The following ZNF423 variants were observed in gnomAD, a reference collection of about 807,000 sequenced individuals.
ZNF423 encodes the protein Ebf-associated zinc finger protein.
In ZNF423, 12 loss-of-function variants were observed where a neutral mutation model predicts 95.8. The observed-to-expected ratio is 0.13, with a 90% CI of 0.08 to 0.20. The LOEUF is 0.20. Among genes scored for constraint, ZNF423 ranks in the 10% least tolerant of loss-of-function variants. The pLI is 1.00. For synonymous variants in ZNF423, 749 were observed against 711.9 expected (o/e 1.05, Z -0.83); for missense variants, 1,316 against 1,737.1 (o/e 0.76, Z 4.31).
intron 5 of ZNF423, among the ~76,000 whole-genome samples, chr16:49,573,347 C>G (rs1375306977): frequency 6.6e-6 from 1 of 152,192 alleles, no homozygotes; most frequent in Non-Finnish European, 1.5e-5. Context: ...CAATTGAAAC[C>G]TCTTCTCTCC....
chr16:49,676,695 G>C (rs564239550), intron 3 of ZNF423, among the ~76,000 whole-genome samples: 1 of 152,344 alleles, frequency 6.6e-6, no homozygotes, highest in Non-Finnish European at 1.5e-5. Context: ...AAGGATTTCT[G>C]TTCATGGAGA....
chr16:49,548,759 CA>C, intron 5 of ZNF423, among the ~76,000 whole-genome samples: 1 of 152,298 alleles, frequency 6.6e-6, no homozygotes, highest in East Asian at 1.9e-4. Context: ...GTGCCTGAAC[CA>C]GGAAAAGTTT....
chr16:49,535,674 TTCCACAGCCCTCCTCACACACA>T (rs1243375347), intron 5 of ZNF423, among the ~76,000 whole-genome samples: 6 of 152,132 alleles, frequency 3.9e-5, no homozygotes, highest in African/African-American at 1.4e-4. Flanking sequence ...TCAGAAGGCA[TTCCACAGCCCTCCTCACACACA>T]TCCCCTTTTA....
intron 2 of ZNF423, among the ~76,000 whole-genome samples, chr16:49,787,200 G>A (rs998121708): frequency 2.0e-5 from 3 of 152,018 alleles, no homozygotes; most frequent in African/African-American, 7.2e-5. Flanking sequence ...CACACGCCCA[G>A]TGCTCAGGGA....
rs1428122945 is a variant in ZNF423, at chr16:49,804,162, T to G, written c.41-14616A>C. 7.2e-5 allele frequency among the ~76,000 whole-genome samples: 11 copies of G among 152,240 alleles called. 1 individual carries two copies. Among genetic ancestry groups the G allele is most frequent in the South Asian group, 2.1e-4 (1 of 4,812 alleles). ...GTTGGCTAGGCTGGTCTTGAACTCC[T>G]GACCTCAGGTGATCTGCCCATCTCG... On this transcript the variant is annotated intron_variant, in intron 1 of 7. Coordinates refer to ENST00000563137, the MANE Select transcript of ZNF423 (RefSeq NM_001379286.1).
At chr16:49,581,709 C>T (rs748078631) in intron 5 of ZNF423, among the ~76,000 whole-genome samples, 1 of 152,154 alleles carries the variant, frequency 6.6e-6, no homozygotes, top group Non-Finnish European at 1.5e-5. Context: ...TTTGTTCAAA[C>T]GAAATAATAT....
intron 3 of ZNF423, among the ~76,000 whole-genome samples, chr16:49,686,332 T>C (rs2031562710): frequency 6.6e-6 from 1 of 152,088 alleles, no homozygotes; most frequent in Admixed American, 6.5e-5. Flanking sequence ...CTTAGCATCA[T>C]CCAAAGTGCA....
At chr16:49,755,798 A>C (rs2033715816) in intron 2 of ZNF423, among the ~76,000 whole-genome samples, 1 of 152,206 alleles carries the variant, frequency 6.6e-6, no homozygotes, top group Non-Finnish European at 1.5e-5. Flanking sequence ...TACACTGCCC[A>C]GATGCTGATG....
intron 5 of ZNF423, among the ~76,000 whole-genome samples, chr16:49,588,879 T>C (rs925188177): frequency 2.6e-5 from 4 of 152,242 alleles, no homozygotes; most frequent in Non-Finnish European, 4.4e-5. Context: ...GATGAATGAT[T>C]CATGCATGCA....
chr16:49,597,131 T>G (rs1971206843), intron 5 of ZNF423, among the ~76,000 whole-genome samples: 1 of 151,918 alleles, frequency 6.6e-6, no homozygotes, highest in South Asian at 2.1e-4. Flanking sequence ...AAGTTGGGAG[T>G]GTCTGTTTCC....
chr16:49,572,100 T>C (rs2151788259), intron 5 of ZNF423, among the ~76,000 whole-genome samples: 1 of 152,162 alleles, frequency 6.6e-6, no homozygotes, highest in Non-Finnish European at 1.5e-5. Context: ...TGTAACTAAG[T>C]CCTGAACTGC....
chr16:49,726,376 C>T (rs925886440), intron 3 of ZNF423, among the ~76,000 whole-genome samples: 1 of 152,158 alleles, frequency 6.6e-6, no homozygotes, highest in Admixed American at 6.5e-5. Context: ...ACCACCATCA[C>T]CCCATGGGCA....
chr16:49,612,494 C>CA (rs1395079275), intron 5 of ZNF423, among the ~76,000 whole-genome samples: 1 of 147,478 alleles, frequency 6.8e-6, no homozygotes, highest in African/African-American at 2.5e-5. Flanking sequence ...AACAAACAAA[C>CA]AAAAAATGCT....
chr16:49,780,556 A>G (rs1361981199), intron 2 of ZNF423: 1 of 152,262 alleles, frequency 6.6e-6, no homozygotes, highest in Non-Finnish European at 1.5e-5. Context: ...ATGGTAACAG[A>G]GTGGCCACCT....
chr16:49,517,706 A>G (rs556100133), intron 7 of ZNF423: 1 of 242,266 alleles, frequency 4.1e-6, no homozygotes, highest in East Asian at 1.3e-4. Context: ...AGATCAGGCC[A>G]GTTAATGGTG....
At chr16:49,716,026 G>A (rs74250710) in intron 3 of ZNF423, among the ~76,000 whole-genome samples, 2,954 of 152,126 alleles carry the variant, frequency 0.019, 218 homozygotes, top group Admixed American at 0.13. Flanking sequence ...AGGAGAAGCC[G>A]CAAGAGGCAC....
chr16:49,543,821 G>A (rs970266964), intron 5 of ZNF423, among the ~76,000 whole-genome samples: 6 of 151,910 alleles, frequency 3.9e-5, no homozygotes, highest in Admixed American at 1.3e-4. Context: ...ATATGACCCC[G>A]GTCACAGCGA....
chr16:49,640,173 G>A (rs942351281), intron 3 of ZNF423, among the ~76,000 whole-genome samples: 15 of 152,108 alleles, frequency 9.9e-5, no homozygotes, highest in African/African-American at 2.7e-4. Flanking sequence ...CCTCACAGAC[G>A]TAACCCAGAC....
chr16:49,514,761 C>G (rs77120096), intron 7 of ZNF423, among the ~76,000 whole-genome samples: 1 of 152,180 alleles, frequency 6.6e-6, no homozygotes, highest in South Asian at 2.1e-4. Context: ...TTTGCCACCG[C>G]GGGCCCGGCT....
Sources: gnomAD v4.1 joint callset for allele counts (sites outside exome capture counted in the v4.1 genomes callset) on GRCh38, gnomAD v4.1.1 for gene constraint, MANE v1.5 for transcripts, NCBI Gene and HGNC (gene_info 2026-07-23, HGNC 2026-07-21) for gene names.